The following ATP10B variants were observed in gnomAD, a reference collection of about 807,000 sequenced individuals.
The protein encoded by ATP10B is phospholipid-transporting ATPase VB.
In ATP10B, 122 loss-of-function variants were observed where a neutral mutation model predicts 141.2. The observed-to-expected ratio is 0.86, with a 90% CI of 0.75 to 1.00. ATP10B has a LOEUF of 1.00. Ranked by LOEUF, ATP10B falls within the 50% of genes least tolerant of loss-of-function variation. ATP10B has a pLI of 0.00. For synonymous variants in ATP10B, 685 were observed against 692.0 expected (o/e 0.99, Z 0.16); for missense variants, 1,876 against 1,825.3 (o/e 1.03, Z -0.51).
chr5:160,871,250 T>G, the ATP10B span, among the ~76,000 whole-genome samples: 1 of 152,142 alleles, frequency 6.6e-6, no homozygotes, highest in African/African-American at 2.4e-5. Flanking sequence ...ACATATGTGC[T>G]TATATATAAG....
intron 1 of ATP10B, among the ~76,000 whole-genome samples, chr5:160,813,819 G>C (rs534954326): frequency 6.6e-6 from 1 of 152,338 alleles, no homozygotes; most frequent in African/African-American, 2.4e-5. Context: ...AACATTTGCT[G>C]TTCACCAATA....
chr5:160,566,629 T>C (rs1306648831), intron 25 of ATP10B, among the ~76,000 whole-genome samples: 1 of 152,152 alleles, frequency 6.6e-6, no homozygotes, highest in Non-Finnish European at 1.5e-5. Flanking sequence ...GACTCTGGAA[T>C]TGGAAGTCTT....
chr5:160,797,012 C>G (rs1244491512), intron 1 of ATP10B, among the ~76,000 whole-genome samples: 1 of 152,158 alleles, frequency 6.6e-6, no homozygotes, highest in Non-Finnish European at 1.5e-5. Flanking sequence ...CACATACAAT[C>G]TGTTCCAGCT....
chr5:160,599,052 G>A, intron 21 of ATP10B, 82 bp from the exon 22 acceptor site: 2 of 1,315,108 alleles, frequency 1.5e-6, no homozygotes, highest in Non-Finnish European at 2.2e-6. Context: ...TCTGGGAGCT[G>A]CTGGAGTGGC....
intron 2 of ATP10B, among the ~76,000 whole-genome samples, chr5:160,726,031 C>T (rs1379018310): frequency 6.6e-6 from 1 of 152,074 alleles, no homozygotes; most frequent in Non-Finnish European, 1.5e-5. Context: ...GAATGAGAGT[C>T]TGGGGAAGGT....
At chr5:160,900,258 A>G in the ATP10B span, among the ~76,000 whole-genome samples, 883 of 151,950 alleles carry the variant, frequency 5.8e-3, 7 homozygotes, top group African/African-American at 0.02. Context: ...CTTCATGCAC[A>G]TTTTCTTTCT....
rs201935417 is a variant in ATP10B at position 160,816,682 on chromosome 5, G to A, written c.-575-30879C>T. 1.4e-3 allele frequency among the ~76,000 whole-genome samples: 214 copies of A among 151,592 alleles called. 1 individual carries two copies. The highest frequency in any genetic ancestry group is 4.9e-3 in the African/African-American group (204 of 41,396). ...CCAGCATCATCCTGATACCAAAGCCGGACAGAGACACAAGAAAAAAAGAGA... is the reference window on the plus strand; with the variant it reads ...CCAGCATCATCCTGATACCAAAGCCAGACAGAGACACAAGAAAAAAAGAGA... On this transcript the variant is annotated intron_variant, in intron 1 of 25. Transcript: ENST00000327245.
the ATP10B span, among the ~76,000 whole-genome samples, chr5:160,903,657 G>T: frequency 6.6e-6 from 1 of 152,116 alleles, no homozygotes; most frequent in African/African-American, 2.4e-5. Flanking sequence ...TTATGGTAGA[G>T]CCACCCTCTC....
chr5:160,857,031 T>C (rs1754017021), upstream of ATP10B, among the ~76,000 whole-genome samples: 1 of 151,776 alleles, frequency 6.6e-6, no homozygotes, highest in African/African-American at 2.4e-5. Context: ...TTTTTTATAC[T>C]GTTTTTCCTG....
chr5:160,715,369 C>T (rs1249246269), intron 3 of ATP10B, among the ~76,000 whole-genome samples: 9 of 140,896 alleles, frequency 6.4e-5, no homozygotes. Context: ...GTGGGAGTGA[C>T]CCGATTTTCC....
intron 7 of ATP10B, among the ~76,000 whole-genome samples, chr5:160,657,663 G>C (rs1761599031): frequency 6.6e-6 from 1 of 152,174 alleles, no homozygotes. Flanking sequence ...CATGGGCTTG[G>C]CATGCCAAGC....
intron 2 of ATP10B, among the ~76,000 whole-genome samples, chr5:160,783,209 A>C (rs1331859844): frequency 6.6e-6 from 1 of 151,488 alleles, no homozygotes; most frequent in Non-Finnish European, 1.5e-5. Context: ...CCATTGTATC[A>C]TTCTTATGCC....
At chr5:160,813,128 A>AAGTGGATGCAGGAC (rs1220118903) in intron 1 of ATP10B, among the ~76,000 whole-genome samples, 1 of 152,214 alleles carries the variant, frequency 6.6e-6, no homozygotes, top group Admixed American at 6.5e-5. Flanking sequence ...GAGTGTCAGA[A>AAGTGGATGCAGGAC]AGTGGATGCA....
the ATP10B span, among the ~76,000 whole-genome samples, chr5:160,928,857 C>T: frequency 6.6e-6 from 1 of 152,160 alleles, no homozygotes; most frequent in African/African-American, 2.4e-5. Context: ...AACTCATTTC[C>T]AAGCAGTCAG....
Position 160,815,310 on chromosome 5 carries a change from A to G in ATP10B, c.-575-29507T>C, listed in dbSNP as rs138435881. On this transcript the variant is annotated intron_variant, in intron 1 of 25. Coordinates refer to ENST00000327245, the MANE Select transcript of ATP10B (RefSeq NM_025153.3). ...GAGAAAGATCTACCAAGCAAATGGAAAGCACAAAAAAAAGCAGCAGTTGCA... is the reference window on the plus strand; with the variant it reads ...GAGAAAGATCTACCAAGCAAATGGAGAGCACAAAAAAAAGCAGCAGTTGCA... Among the ~76,000 whole-genome samples, 1,064 of 152,330 alleles carry G rather than the reference A, an allele frequency of 7.0e-3. 18 individuals carry two copies. The highest frequency in any genetic ancestry group is 0.024 in the African/African-American group (1,003 of 41,580).
intron 2 of ATP10B, among the ~76,000 whole-genome samples, chr5:160,776,837 C>T (rs193006354): frequency 1.9e-3 from 294 of 152,282 alleles, no homozygotes; most frequent in South Asian, 0.012. Context: ...GTTTTTGACA[C>T]CCTGGCCAGC....
At chr5:160,575,535 C>G (rs6892708) in intron 24 of ATP10B, among the ~76,000 whole-genome samples, 1 of 151,936 alleles carries the variant, frequency 6.6e-6, no homozygotes, top group East Asian at 1.9e-4. Context: ...CCTGGCAATT[C>G]AGATACCCTC....
chr5:160,705,035 C>T (rs531340751), intron 3 of ATP10B, among the ~76,000 whole-genome samples: 2 of 151,098 alleles, frequency 1.3e-5, no homozygotes, highest in South Asian at 2.1e-4. Context: ...TCTCCTGCCT[C>T]AGCCTCCCAA....
intron 15 of ATP10B, among the ~76,000 whole-genome samples, chr5:160,619,100 C>T (rs536486117): frequency 4.6e-5 from 7 of 152,230 alleles, no homozygotes; most frequent in African/African-American, 1.2e-4. Context: ...ATTTGTGCAT[C>T]GCCTGATTCG....
Sources: gnomAD v4.1 joint callset for allele counts (sites outside exome capture counted in the v4.1 genomes callset) on GRCh38, gnomAD v4.1.1 for gene constraint, MANE v1.5 for transcripts, NCBI Gene and HGNC (gene_info 2026-07-23, HGNC 2026-07-21) for gene names.